The following COLEC11 variants were observed in gnomAD, a reference collection of about 807,000 sequenced individuals.
COLEC11 encodes collectin-11.
COLEC11 carries 20 observed loss-of-function variants against 27.3 expected under a neutral mutation model. That is an observed-to-expected ratio of 0.73 (90% CI 0.51 to 1.06). The LOEUF (loss-of-function observed/expected upper bound fraction) is 1.06, where lower values mean the gene tolerates loss of function less well. Ranked by LOEUF, COLEC11 falls within the 50% of genes least tolerant of loss-of-function variation. The pLI is 0.00. For synonymous variants in COLEC11, 163 were observed against 154.7 expected (o/e 1.05, Z -0.40); for missense variants, 310 against 383.0 (o/e 0.81, Z 1.59).
At chr2:3,622,006 G>A (rs1380725669) in intron 3 of COLEC11, among the ~76,000 whole-genome samples, 5 of 151,788 alleles carry the variant, frequency 3.3e-5, no homozygotes, top group South Asian at 2.1e-4. Flanking sequence ...GTGAAACCTC[G>A]TCTCTACTAA....
chr2:3,604,865 T>G (rs957736032), intron 2 of COLEC11: 1 of 373,018 alleles, frequency 2.7e-6, no homozygotes, highest in Non-Finnish European at 5.3e-6. Context: ...GTTCCCAAAG[T>G]GTGCTTCTAC....
intron 3 of COLEC11, among the ~76,000 whole-genome samples, chr2:3,626,915 C>T (rs534577222): frequency 6.6e-6 from 1 of 152,250 alleles, no homozygotes; most frequent in East Asian, 1.9e-4. Flanking sequence ...GAACCAGGAC[C>T]TCAGCCGCCA....
rs1364535674 is a variant in COLEC11 at position 3,604,181 on chromosome 2, C to T, written c.-26-134C>T. The T allele has an allele frequency of 1.5e-5, 14 of 912,956 alleles. 1 individual carries two copies. The South Asian group carries it at 1.6e-4, about 11-fold the overall frequency. 56.6% of individuals were successfully genotyped at this position (912,956 alleles called of 1,614,324 possible). A position where few individuals can be genotyped will look rare whatever the true frequency, so the allele number is the denominator to read the frequency against. On this transcript the variant is annotated intron_variant, in intron 1 of 6. Transcript: ENST00000349077. ...GATTGGTGCTTGAGTGAGTGAGGAG[C>T]ACCCGCCATGGGGGCCCAGACAGCC...
Position 3,600,814 on chromosome 2 carries a change from T to A in COLEC11, c.-26-3501T>A, listed in dbSNP as rs1252702938. Among the ~76,000 whole-genome samples, 5 of 152,204 alleles carry A rather than the reference T, an allele frequency of 3.3e-5. No homozygotes were observed. The East Asian group carries it at 9.6e-4, about 29-fold the overall frequency. The stretch of plus-strand genomic sequence containing the variant: ...CATCAAAAATGACACCTTGAGGTAT[T>A]AATAATTGTTGAAGCTGGGCAATGG... On this transcript the variant is annotated intron_variant, in intron 1 of 6. Coordinates refer to ENST00000349077, the MANE Select transcript of COLEC11 (RefSeq NM_024027.5).
intron 2 of COLEC11, among the ~76,000 whole-genome samples, chr2:3,609,228 AATGACTT>A (rs1252627866): frequency 2.0e-5 from 3 of 152,136 alleles, no homozygotes; most frequent in Non-Finnish European, 4.4e-5. Flanking sequence ...TGCTGTTTTT[AATGACTT>A]ATGATTCTTT....
intron 3 of COLEC11, among the ~76,000 whole-genome samples, chr2:3,632,610 C>T (rs1237280538): frequency 6.6e-6 from 1 of 152,214 alleles, no homozygotes; most frequent in African/African-American, 2.4e-5. Flanking sequence ...TAGTAGGACT[C>T]ACACTGGGGT....
Position 3,644,335 on chromosome 2 carries a change from T to G in COLEC11, c.*217T>G. 1.4e-6 allele frequency: 1 copy of G among 702,440 alleles called. No homozygotes were observed. Among genetic ancestry groups the G allele is most frequent in the South Asian group, 1.5e-5 (1 of 66,798 alleles). 43.5% of individuals were successfully genotyped at this position (702,440 alleles called of 1,614,324 possible). The stretch of plus-strand genomic sequence containing the variant: ...CTGTCTCTGAAGAAGCAGAGTTTCA[T>G]TACCTGTATTGTAGCCCCAATGTCA... On this transcript the variant is annotated 3_prime_UTR_variant, in exon 7 of 7. Coordinates refer to ENST00000349077, the MANE Select transcript of COLEC11 (RefSeq NM_024027.5).
At chr2:3,627,054 T>C (rs138277814) in intron 3 of COLEC11, among the ~76,000 whole-genome samples, 288 of 152,308 alleles carry the variant, frequency 1.9e-3, no homozygotes, top group Non-Finnish European at 3.3e-3. Context: ...TCTAGCTCGT[T>C]GCAGCGGGGG....
intron 1 of COLEC11, among the ~76,000 whole-genome samples, chr2:3,601,336 T>C (rs1662204633): frequency 6.6e-6 from 1 of 152,200 alleles, no homozygotes; most frequent in Non-Finnish European, 1.5e-5. Context: ...GGTCTCACTC[T>C]GACTGCCCGG....
rs1033016434 is a variant in COLEC11 at position 3,595,286 on chromosome 2, T to C, written c.-27+118T>C. On this transcript the variant is annotated intron_variant, in intron 1 of 6. Coordinates refer to ENST00000349077, the MANE Select transcript of COLEC11 (RefSeq NM_024027.5). The stretch of plus-strand genomic sequence containing the variant: ...GTGGGCTCCTGCTGAGCGAGGAGGA[T>C]GGGAATCTGTCCCTAGATCCAGGCA... The C allele has an allele frequency of 3.0e-5, 6 of 199,828 alleles. No homozygotes were observed. The East Asian group carries it at 8.3e-4, about 28-fold the overall frequency. The allele number at this position is 199,828 out of a possible 1,614,324, so 12.4% of individuals were successfully genotyped here. A position where few individuals can be genotyped will look rare whatever the true frequency, so the allele number is the denominator to read the frequency against.
chr2:3,609,641 T>C (rs1164344909), intron 2 of COLEC11, among the ~76,000 whole-genome samples: 1 of 152,102 alleles, frequency 6.6e-6, no homozygotes, highest in East Asian at 1.9e-4. Flanking sequence ...GCGATTCTCC[T>C]GCCTCAGCCT....
In COLEC11 at chr2:3,622,336, A is replaced by G. The variant is rs540397992; in HGVS notation, c.202+8954A>G. ...GAGTGAAACCCTGTCTCTAAAAACAAACAAACAACAACAACAAATTATTGT... is the reference window on the plus strand; with the variant it reads ...GAGTGAAACCCTGTCTCTAAAAACAGACAAACAACAACAACAAATTATTGT... On this transcript the variant is annotated intron_variant, in intron 3 of 6. Coordinates refer to ENST00000349077, the MANE Select transcript of COLEC11 (RefSeq NM_024027.5). Among the ~76,000 whole-genome samples, 35 of 152,294 alleles carry G rather than the reference A, an allele frequency of 2.3e-4. No homozygotes were observed. In the East Asian group the frequency reaches 6.6e-3, roughly 29 times the overall value.
At chr2:3,607,280 C>T (rs1662799966) in intron 2 of COLEC11, among the ~76,000 whole-genome samples, 2 of 151,948 alleles carry the variant, frequency 1.3e-5, no homozygotes, top group Non-Finnish European at 2.9e-5. Flanking sequence ...ATTGTCTTTA[C>T]ATTTAGAGAG....
At chr2:3,631,102 A>G (rs909532310) in intron 3 of COLEC11, among the ~76,000 whole-genome samples, 1 of 152,098 alleles carries the variant, frequency 6.6e-6, no homozygotes, top group African/African-American at 2.4e-5. Context: ...ATGGTGGTGC[A>G]CGCCTGTAAT....
Position 3,602,535 on chromosome 2 carries a change from C to T in COLEC11, c.-26-1780C>T, listed in dbSNP as rs562006337. On this transcript the variant is annotated intron_variant, in intron 1 of 6. Transcript: ENST00000349077. This position sits in a 1 kb window ranked among gnomAD's most constrained non-coding sequence, Gnocchi z 6.2. ...ACCTCTGTCATCACCTCCACCCACA[C>T]GTGGGGTCCAGCTGCCATCCTCGCC... Among the ~76,000 whole-genome samples, 98 of 152,326 alleles carry T rather than the reference C, an allele frequency of 6.4e-4. No homozygotes were observed. Among genetic ancestry groups the T allele is most frequent in the Non-Finnish European group, 1.1e-3 (77 of 68,030 alleles).
chr2:3,632,105 G>A (rs974504058), intron 3 of COLEC11, among the ~76,000 whole-genome samples: 4 of 152,204 alleles, frequency 2.6e-5, no homozygotes, highest in Non-Finnish European at 4.4e-5. Flanking sequence ...CCCGAGGCAC[G>A]GAATGCCCTG....
rs371354798 is a variant in COLEC11, at chr2:3,643,574, C to T, written c.424+35C>T. The T allele has an allele frequency of 1.3e-5, 21 of 1,602,656 alleles. No individual in the cohort carries two copies. The African/African-American group carries it at 2.5e-4, about 19-fold the overall frequency. On this transcript the variant is annotated intron_variant, in intron 6 of 6. Transcript: ENST00000349077. ...TCCCGGCGCCGCCCTCGCTCCCTCC[C>T]ACCTCCCAGCCCTGTCCTGAGCCCC...
At chr2:3,626,066 C>T (rs773580199) in intron 3 of COLEC11, 9 of 1,614,064 alleles carry the variant, frequency 5.6e-6, no homozygotes, top group East Asian at 2.2e-5. Context: ...AAGTGCACCT[C>T]GTCCTTTGTA....
intron 4 of COLEC11, 56 bp from the exon 5 acceptor site, chr2:3,640,222 C>A: frequency 9.7e-7 from 1 of 1,026,626 alleles, no homozygotes; most frequent in Non-Finnish European, 1.5e-6. Flanking sequence ...ATGTTTTTAA[C>A]ACATAGAACA....
Sources: gnomAD v4.1 joint callset for allele counts (sites outside exome capture counted in the v4.1 genomes callset) on GRCh38, gnomAD v4.1.1 for gene constraint, Gnocchi (gnomAD v3.1) non-coding constraint, MANE v1.5 for transcripts, NCBI Gene and HGNC (gene_info 2026-07-23, HGNC 2026-07-21) for gene names.